The following TMEM106A variants were observed in gnomAD, a reference collection of about 807,000 sequenced individuals.
TMEM106A encodes transmembrane protein 106A.
TMEM106A carries 22 observed loss-of-function variants against 25.1 expected under a neutral mutation model. The ratio of observed to expected loss-of-function variants is 0.88; its 90% CI spans 0.63 to 1.25. The LOEUF (loss-of-function observed/expected upper bound fraction) is 1.25. Ranked by LOEUF, TMEM106A falls within the 50% of genes most tolerant of loss-of-function variation. The pLI is 0.00. For synonymous variants in TMEM106A, 104 were observed against 129.9 expected, an observed-to-expected ratio of 0.80 and a Z score of 1.35; for missense variants, 275 against 318.1, an observed-to-expected ratio of 0.86 and a Z score of 1.03.
intron 2 of TMEM106A, 47 bp from the exon 3 acceptor site, chr17:43,212,974 G>C (rs2057448527): frequency 2.0e-6 from 3 of 1,484,288 alleles, no homozygotes; most frequent in Non-Finnish European, 2.8e-6. Flanking sequence ...TACATCTGGC[G>C]TCAGTGCTAA....
rs2057501330 is a variant in TMEM106A, at chr17:43,217,806, T to C, written c.*5T>C. 1 of 1,614,126 alleles carries C rather than the reference T, an allele frequency of 6.2e-7. No individual in the cohort carries two copies. Among genetic ancestry groups the C allele is most frequent in the Non-Finnish European group, 8.5e-7 (1 of 1,179,990 alleles). ...CTGACCCCTCACCCACCATGACCTG[T>C]CTGCTGTCCCTGTACTCCAGGCACC... On this transcript the variant is annotated 3_prime_UTR_variant, in exon 9 of 9. Transcript: ENST00000612339.
intron 4 of TMEM106A, chr17:43,214,098 C>G: frequency 2.0e-6 from 1 of 503,598 alleles, no homozygotes; most frequent in Non-Finnish European, 3.5e-6. Context: ...TGCCTGTAAT[C>G]CCAGCACTTT....
intron 4 of TMEM106A, 24 bp from the exon 5 acceptor site, chr17:43,215,764 A>G: frequency 6.2e-7 from 1 of 1,612,550 alleles, no homozygotes. Context: ...CCATTCCTCC[A>G]TCCTGGGTCC....
In TMEM106A at chr17:43,219,372, A is replaced by G. The variant is rs2154582661; in HGVS notation, c.*1571A>G. ...AGCTCCAGATAACCCCTAGGTTCCC[A>G]CTGGCTCCTAGTAGAAATAGTTTCT... On this transcript the variant is annotated 3_prime_UTR_variant, in exon 9 of 9. Coordinates refer to ENST00000612339, the MANE Select transcript of TMEM106A (RefSeq NM_145041.4). 1 of 152,234 alleles carries G rather than the reference A, an allele frequency of 6.6e-6. No homozygotes were observed. The highest frequency in any genetic ancestry group is 2.1e-4 in the South Asian group (1 of 4,818). The allele number at this position is 152,234 out of a possible 1,614,324, so 9.4% of individuals were successfully genotyped here. A position where few individuals can be genotyped will look rare whatever the true frequency, so the allele number is the denominator to read the frequency against.
At position 43,216,694 on chromosome 17, in the gene TMEM106A, C is replaced by T; in HGVS notation, c.571-3C>T. The T allele has an allele frequency of 6.2e-7, 1 of 1,614,242 alleles. No individual in the cohort carries two copies. The highest frequency in any genetic ancestry group is 1.1e-5 in the South Asian group (1 of 91,088). On this transcript the variant is annotated splice_region_variant and splice_polypyrimidine_tract_variant and intron_variant, in intron 6 of 8. Transcript: ENST00000612339. ...GCTAACCCTGTGCCCATTTGGTTGA[C>T]AGATGTTTTACGCAGTAGCTACCAA...
chr17:43,216,625 G>GTGTGTGGA, intron 6 of TMEM106A, 36 bp downstream of exon 6: 1 of 1,614,186 alleles, frequency 6.2e-7, no homozygotes, highest in Non-Finnish European at 8.5e-7. Context: ...CTGCCCACTG[G>GTGTGTGGA]TGTGTGGATG....
intron 5 of TMEM106A, 185 bp downstream of exon 5, chr17:43,216,126 C>A: frequency 1.3e-6 from 1 of 768,562 alleles, no homozygotes. Flanking sequence ...TGGGACTCTA[C>A]ACAGTAAGGG....
At chr17:43,212,834 T>A (rs1317978188) in intron 2 of TMEM106A, among the ~76,000 whole-genome samples, 187 bp from the exon 3 acceptor site, 2 of 151,986 alleles carry the variant, frequency 1.3e-5, no homozygotes, top group African/African-American at 4.8e-5. Flanking sequence ...ATGAAAGGAG[T>A]CGAAATGCAT....
At position 43,215,791 on chromosome 17, in the gene TMEM106A, G is replaced by A; in HGVS notation, c.279G>A (p.Lys93=). The part of the protein sequence containing the change: ...GDQRLKPKHT[K]LFVFLAVLIC... ...CCTGGGTCCTGCTTTCCCACAGGAA[G>A]CTCTTTGTGTTCCTGGCCGTGCTCA... Residue 93 remains lysine, a synonymous_variant, in exon 5 of 9, where the codon AAG becomes AAA. Coordinates refer to ENST00000612339, the MANE Select transcript of TMEM106A (RefSeq NM_145041.4). The A allele has an allele frequency of 6.2e-7, 1 of 1,613,710 alleles. No individual in the cohort carries two copies. The highest frequency in any genetic ancestry group is 8.5e-7 in the Non-Finnish European group (1 of 1,180,012).
intron 4 of TMEM106A, 122 bp downstream of exon 4, chr17:43,214,013 C>T (rs2057460991): frequency 3.9e-6 from 4 of 1,021,672 alleles, no homozygotes; most frequent in South Asian, 3.0e-5. Flanking sequence ...AAGCCTGAGC[C>T]TCAGAGGTAC....
intron 7 of TMEM106A, 133 bp downstream of exon 7, chr17:43,216,873 G>A: frequency 1.7e-6 from 2 of 1,198,836 alleles, no homozygotes; most frequent in Non-Finnish European, 2.5e-6. Flanking sequence ...GGCCGAGAAT[G>A]TAATAAGCAA....
chr17:43,217,978 C>T lies in TMEM106A; in HGVS notation c.*177C>T, dbSNP rs1249677953. On this transcript the variant is annotated 3_prime_UTR_variant, in exon 9 of 9. Transcript: ENST00000612339. ...CTTGCTTTGAAGTTAACTTCATACA[C>T]ACACACTCATATCCTCCAGTTTCCC... 1.2e-5 allele frequency: 10 copies of T among 818,730 alleles called. No individual in the cohort carries two copies. The highest frequency in any genetic ancestry group is 1.9e-5 in the Non-Finnish European group (10 of 515,916). The allele number at this position is 818,730 out of a possible 1,614,324, so 50.7% of individuals were successfully genotyped here.
At position 43,217,597 on chromosome 17, in the gene TMEM106A, C is replaced by T. The variant is rs375439542; in HGVS notation, c.669-84C>T. The T allele has an allele frequency of 1.8e-5, 28 of 1,555,970 alleles. No individual in the cohort carries two copies. The Middle Eastern group carries it at 1.7e-3, about 96-fold the overall frequency. On this transcript the variant is annotated intron_variant, in intron 8 of 8. Transcript: ENST00000612339. ...GGGAAGGGCAAATGAGGGAGCTCCC[C>T]GCTCCCCACCCCCAGACAGTATAAT...
chr17:43,215,302 A>G (rs2057474796), intron 4 of TMEM106A, among the ~76,000 whole-genome samples: 1 of 152,192 alleles, frequency 6.6e-6, no homozygotes, highest in Non-Finnish European at 1.5e-5. Flanking sequence ...ACAAAGTACT[A>G]TCTCTTTAAT....
intron 1 of TMEM106A, 42 bp from the exon 2 acceptor site, chr17:43,212,185 T>G (rs2154582546): frequency 6.6e-6 from 1 of 152,646 alleles, no homozygotes; most frequent in African/African-American, 2.4e-5. Flanking sequence ...GTCAGCGTCC[T>G]TACTATCCCC....
At position 43,214,073 on chromosome 17, in the gene TMEM106A, G is replaced by A. The variant is rs143339531; in HGVS notation, c.275+182G>A. The A allele has an allele frequency of 6.2e-4, 375 of 606,822 alleles. 1 individual carries two copies. The East Asian group carries it at 7.0e-3, about 11-fold the overall frequency. 37.6% of individuals were successfully genotyped at this position (606,822 alleles called of 1,614,324 possible). Reference sequence around the variant, plus strand: ...TTCCTGATTTAGAAGCTCCTGGACCGGGTGTGGTGGCTCATGCCTGTAATC... The same window carrying A: ...TTCCTGATTTAGAAGCTCCTGGACCAGGTGTGGTGGCTCATGCCTGTAATC... On this transcript the variant is annotated intron_variant, in intron 4 of 8. Coordinates refer to ENST00000612339, the MANE Select transcript of TMEM106A (RefSeq NM_145041.4).
intron 8 of TMEM106A, 39 bp from the exon 9 acceptor site, chr17:43,217,642 T>G: frequency 6.2e-7 from 1 of 1,612,968 alleles, no homozygotes; most frequent in Non-Finnish European, 8.5e-7. Context: ...GCTTTCCTTT[T>G]CCTCCCAGCC....
At chr17:43,213,482 T>G (rs2057455981) in intron 3 of TMEM106A, among the ~76,000 whole-genome samples, 1 of 152,232 alleles carries the variant, frequency 6.6e-6, no homozygotes, top group Non-Finnish European at 1.5e-5. Context: ...AAAGAAGGAT[T>G]CTAGCCACTG....
intron 4 of TMEM106A, 139 bp from the exon 5 acceptor site, chr17:43,215,649 A>G: frequency 1.1e-6 from 1 of 905,926 alleles, no homozygotes; most frequent in Non-Finnish European, 1.7e-6. Context: ...TCCGGGCCAC[A>G]TCTGGGGAGC....
Sources: gnomAD v4.1 joint callset for allele counts (sites outside exome capture counted in the v4.1 genomes callset) on GRCh38, gnomAD v4.1.1 for gene constraint, MANE v1.5 for transcripts, NCBI Gene and HGNC (gene_info 2026-07-23, HGNC 2026-07-21) for gene names.